ASCC3: variants seen among roughly 807,000 people sequenced by gnomAD.
The protein encoded by ASCC3 is activating signal cointegrator 1 complex subunit 3.
A neutral mutation model predicts 256.3 loss-of-function variants in ASCC3; 158 were observed. The ratio of observed to expected loss-of-function variants is 0.62; its 90% CI spans 0.54 to 0.70. ASCC3 has a LOEUF of 0.70. ASCC3 is among the 30% of genes least tolerant of loss of function. The probability of loss-of-function intolerance (pLI) is 0.00; values close to 1 mark genes in which losing one functional copy is unlikely to be tolerated. For synonymous variants in ASCC3, 948 were observed against 883.4 expected, an observed-to-expected ratio of 1.07 and a Z score of -1.30; for missense variants, 2,259 against 2,626.0, an observed-to-expected ratio of 0.86 and a Z score of 3.05.
chr6:100,864,352 A>G, intron 2 of ASCC3, 138 bp from the exon 3 acceptor site: 1 of 698,424 alleles, frequency 1.4e-6, no homozygotes. Flanking sequence ...TTCACATCCA[A>G]ACTGACTACT....
intron 36 of ASCC3, among the ~76,000 whole-genome samples, chr6:100,580,421 A>G (rs1771156360): frequency 6.6e-6 from 1 of 152,056 alleles, no homozygotes; most frequent in Non-Finnish European, 1.5e-5. Context: ...AATTGAAGAG[A>G]AATAATGGGT....
intron 29 of ASCC3, among the ~76,000 whole-genome samples, chr6:100,626,882 T>G (rs796971802): frequency 1.4e-4 from 22 of 152,228 alleles, no homozygotes; most frequent in African/African-American, 5.3e-4. Context: ...GGCAGATTTA[T>G]TGTTCATTAG....
intron 10 of ASCC3, among the ~76,000 whole-genome samples, chr6:100,744,957 A>G (rs528828674): frequency 2.0e-5 from 3 of 152,086 alleles, no homozygotes; most frequent in Admixed American, 6.5e-5. Context: ...ACTTCTATAA[A>G]AGGGGAGTGG....
At position 100,629,158 on chromosome 6, in the gene ASCC3, A is replaced by G. The variant is rs775957107; in HGVS notation, c.4232T>C (p.Val1411Ala). Residue 1411 changes from valine (V) to alanine (A), a missense_variant, in exon 27 of 42, where the codon GTG becomes GCG. Coordinates refer to ENST00000369162, the MANE Select transcript of ASCC3 (RefSeq NM_006828.4). The stretch of plus-strand genomic sequence containing the variant: ...GGCAATGGATTTCATATCAGGAGTC[A>G]CATCCCCTGTTAGTTCAATAACTCT... ...GKKVIELTGD[V>A]TPDMKSIAKA... 1 of 1,613,652 alleles carries G rather than the reference A, an allele frequency of 6.2e-7. No homozygotes were observed. The highest frequency in any genetic ancestry group is 1.1e-5 in the South Asian group (1 of 91,046).
chr6:100,705,692 C>A (rs912175467), intron 13 of ASCC3, among the ~76,000 whole-genome samples: 2 of 151,762 alleles, frequency 1.3e-5, no homozygotes, highest in Non-Finnish European at 2.9e-5. Flanking sequence ...GAGGTAGTAG[C>A]AGGAAAAATT....
chr6:100,756,696 T>C (rs1249648794), intron 10 of ASCC3, among the ~76,000 whole-genome samples: 1 of 152,146 alleles, frequency 6.6e-6, no homozygotes, highest in Non-Finnish European at 1.5e-5. Context: ...CAAACTGCTT[T>C]AATTTGCAGA....
intron 14 of ASCC3, among the ~76,000 whole-genome samples, chr6:100,674,884 G>C (rs1355815253): frequency 6.6e-6 from 1 of 151,806 alleles, no homozygotes; most frequent in Non-Finnish European, 1.5e-5. Flanking sequence ...TGCCTGCCTC[G>C]GCCTCCCAAA....
At chr6:100,705,577 G>A (rs1467375465) in intron 13 of ASCC3, among the ~76,000 whole-genome samples, 1 of 151,916 alleles carries the variant, frequency 6.6e-6, no homozygotes, top group African/African-American at 2.4e-5. Flanking sequence ...ACCAAACCAG[G>A]GAGAAATCCA....
chr6:100,699,740 T>C (rs1013087796), intron 13 of ASCC3, among the ~76,000 whole-genome samples: 2 of 152,058 alleles, frequency 1.3e-5, no homozygotes, highest in African/African-American at 4.8e-5. Flanking sequence ...AAGGTGGTCT[T>C]AGATGGAGAT....
At chr6:100,743,660 A>G (rs976759442) in intron 10 of ASCC3, among the ~76,000 whole-genome samples, 2 of 152,218 alleles carry the variant, frequency 1.3e-5, no homozygotes, top group East Asian at 3.8e-4. Flanking sequence ...TTAAATCTAT[A>G]TTCTTAGAGC....
chr6:100,778,127 A>G (rs1562290530), intron 8 of ASCC3, among the ~76,000 whole-genome samples: 1 of 151,864 alleles, frequency 6.6e-6, no homozygotes, highest in African/African-American at 2.4e-5. Context: ...GAGATAAATC[A>G]AAGATGACGT....
chr6:100,674,541 A>C (rs901868915), intron 14 of ASCC3, among the ~76,000 whole-genome samples: 3 of 151,612 alleles, frequency 2.0e-5, no homozygotes, highest in African/African-American at 7.3e-5. Flanking sequence ...TTAAACTGTT[A>C]TCTTCTTTCT....
At chr6:100,829,534 C>A (rs1771512886) in intron 4 of ASCC3, among the ~76,000 whole-genome samples, 1 of 152,118 alleles carries the variant, frequency 6.6e-6, no homozygotes, top group African/African-American at 2.4e-5. Flanking sequence ...GGCCCGCAAG[C>A]ACCGCGTGCA....
intron 4 of ASCC3, among the ~76,000 whole-genome samples, chr6:100,839,816 A>G (rs932219531): frequency 6.6e-6 from 1 of 152,134 alleles, no homozygotes; most frequent in African/African-American, 2.4e-5. Flanking sequence ...TCATCTCTCT[A>G]TCTCACTGGA....
At chr6:100,596,244 T>C (rs577423970) in intron 34 of ASCC3, among the ~76,000 whole-genome samples, 1 of 152,322 alleles carries the variant, frequency 6.6e-6, no homozygotes, top group Non-Finnish European at 1.5e-5. Flanking sequence ...TGGGGTCTAC[T>C]TCATAGTAAA....
At chr6:100,855,239 G>C (rs1050736347) in intron 3 of ASCC3, among the ~76,000 whole-genome samples, 1 of 151,680 alleles carries the variant, frequency 6.6e-6, no homozygotes, top group East Asian at 1.9e-4. Flanking sequence ...TCAGCCTCCC[G>C]AGTAGCTGGG....
intron 11 of ASCC3, among the ~76,000 whole-genome samples, chr6:100,721,074 T>C (rs2115030447): frequency 6.6e-6 from 1 of 151,438 alleles, no homozygotes; most frequent in Non-Finnish European, 1.5e-5. Flanking sequence ...ATATATAATG[T>C]TATATCTATG....
chr6:100,691,789 C>T (rs2114985369), intron 13 of ASCC3, among the ~76,000 whole-genome samples: 1 of 151,866 alleles, frequency 6.6e-6, no homozygotes, highest in South Asian at 2.1e-4. Flanking sequence ...ATCTATATAA[C>T]ATATAGACTT....
intron 13 of ASCC3, among the ~76,000 whole-genome samples, chr6:100,712,548 T>TA (rs1336187771): frequency 6.6e-6 from 1 of 152,058 alleles, no homozygotes; most frequent in Non-Finnish European, 1.5e-5. Flanking sequence ...AAATACAACT[T>TA]AAAACAAGAT....
Sources: allele counts gnomAD v4.1 joint callset (sites outside exome capture counted in the v4.1 genomes callset), GRCh38; gene constraint gnomAD v4.1.1; transcripts MANE v1.5; gene names NCBI Gene and HGNC (gene_info 2026-07-23, HGNC 2026-07-21).